Variants in PRKG1 observed in about 807,000 individuals in gnomAD.
PRKG1 encodes protein kinase cGMP-dependent 1.
A neutral mutation model predicts 88.1 loss-of-function variants in PRKG1; 35 were observed. The ratio of observed to expected loss-of-function variants is 0.40; its 90% CI spans 0.30 to 0.53. The LOEUF is 0.53. PRKG1 is among the 20% of genes least tolerant of loss of function. The pLI is 0.59. For synonymous variants in PRKG1, 303 were observed against 292.5 expected, an observed-to-expected ratio of 1.04 and a Z score of -0.37; for missense variants, 540 against 839.8, an observed-to-expected ratio of 0.64 and a Z score of 4.41.
intron 1 of PRKG1, among the ~76,000 whole-genome samples, chr10:51,004,542 A>G (rs1043887129): frequency 1.3e-4 from 20 of 152,170 alleles, no homozygotes; most frequent in African/African-American, 4.1e-4. Flanking sequence ...AATTTTCTAC[A>G]TTAAAGACAG....
At chr10:51,397,563 C>A (rs1379440970) in intron 2 of PRKG1, among the ~76,000 whole-genome samples, 2 of 152,052 alleles carry the variant, frequency 1.3e-5, no homozygotes, top group Admixed American at 6.5e-5. Flanking sequence ...ATGTTCATTT[C>A]TTTTATACTC....
At chr10:51,707,583 A>G (rs1461294686) in intron 3 of PRKG1, among the ~76,000 whole-genome samples, 1 of 147,838 alleles carries the variant, frequency 6.8e-6, no homozygotes, top group Non-Finnish European at 1.5e-5. Context: ...GGAACAACGC[A>G]TGAATCTTTT....
chr10:51,276,931 A>G (rs1278027220), intron 2 of PRKG1, among the ~76,000 whole-genome samples: 3 of 152,062 alleles, frequency 2.0e-5, no homozygotes, highest in Non-Finnish European at 4.4e-5. Context: ...CTCTGATGGT[A>G]GTTTCTTTTG....
intron 2 of PRKG1, among the ~76,000 whole-genome samples, chr10:51,298,904 AT>A (rs1386981008): frequency 7.2e-5 from 11 of 152,194 alleles, no homozygotes; most frequent in Non-Finnish European, 1.6e-4. Flanking sequence ...TGTGATCTGT[AT>A]GCAAAGATCA....
intron 2 of PRKG1, among the ~76,000 whole-genome samples, chr10:51,454,718 G>C (rs1839533568): frequency 6.6e-6 from 1 of 152,100 alleles, no homozygotes. Context: ...CTAACCATAA[G>C]ATCTCATTAA....
At chr10:51,744,713 G>T (rs933926841) in intron 3 of PRKG1, among the ~76,000 whole-genome samples, 2 of 152,158 alleles carry the variant, frequency 1.3e-5, no homozygotes, top group African/African-American at 4.8e-5. Context: ...GGAAGCTGTT[G>T]CATTAACCAT....
chr10:51,883,607 C>G (rs922887617), intron 4 of PRKG1, among the ~76,000 whole-genome samples: 1 of 152,160 alleles, frequency 6.6e-6, no homozygotes, highest in Admixed American at 6.5e-5. Flanking sequence ...ATTAAGCAAC[C>G]AATAGTTGTT....
intron 2 of PRKG1, chr10:51,299,531 G>C: frequency 2.1e-6 from 1 of 468,954 alleles, no homozygotes; most frequent in Non-Finnish European, 4.4e-6. Context: ...TTTAAAGTAG[G>C]AACTTTGGTA....
chr10:51,896,325 G>T (rs1229064803), intron 4 of PRKG1, among the ~76,000 whole-genome samples: 1 of 152,040 alleles, frequency 6.6e-6, no homozygotes, highest in Non-Finnish European at 1.5e-5. Flanking sequence ...TTTATTATGT[G>T]CCAGGTACCT....
intron 3 of PRKG1, among the ~76,000 whole-genome samples, chr10:51,767,632 T>C (rs1838201761): frequency 6.6e-6 from 1 of 152,200 alleles, no homozygotes; most frequent in Non-Finnish European, 1.5e-5. Context: ...TTTGAATTTT[T>C]TTTTTTAACC....
intron 4 of PRKG1, among the ~76,000 whole-genome samples, chr10:51,902,605 G>A (rs1389312022): frequency 6.6e-6 from 1 of 152,130 alleles, no homozygotes; most frequent in African/African-American, 2.4e-5. Context: ...TCAAAAGAAT[G>A]ACCTAGTGGA....
chr10:52,204,625 C>T (rs889568691), intron 9 of PRKG1, among the ~76,000 whole-genome samples: 4 of 152,180 alleles, frequency 2.6e-5, no homozygotes, highest in African/African-American at 9.7e-5. Context: ...CTTCCCCAAT[C>T]AATACTCTTG....
chr10:51,985,650 A>G (rs1416118388), intron 5 of PRKG1, among the ~76,000 whole-genome samples: 1 of 152,184 alleles, frequency 6.6e-6, no homozygotes, highest in African/African-American at 2.4e-5. Context: ...TATTTTTTAT[A>G]GCCACTTGTT....
chr10:51,031,997 G>C (rs1356011425), intron 1 of PRKG1, among the ~76,000 whole-genome samples: 1 of 152,130 alleles, frequency 6.6e-6, no homozygotes, highest in Non-Finnish European at 1.5e-5. Context: ...TCTCAAAGCT[G>C]GTTGGATGCT....
intron 3 of PRKG1, among the ~76,000 whole-genome samples, chr10:51,472,115 G>A (rs2132824263): frequency 6.6e-6 from 1 of 151,924 alleles, no homozygotes; most frequent in East Asian, 1.9e-4. Context: ...ATCTTTTTAA[G>A]TTTACATACT....
chr10:52,211,261 G>T (rs948909735), intron 9 of PRKG1, among the ~76,000 whole-genome samples: 14 of 152,166 alleles, frequency 9.2e-5, no homozygotes, highest in Non-Finnish European at 5.9e-5. Context: ...CTGATGCACT[G>T]CAAGGTCTTT....
intron 9 of PRKG1, among the ~76,000 whole-genome samples, chr10:52,180,725 C>T (rs1035985437): frequency 2.6e-4 from 40 of 152,290 alleles, no homozygotes; most frequent in Middle Eastern, 3.4e-3. Context: ...TGCCAGACAT[C>T]GGCTTGTCAG....
intron 4 of PRKG1, among the ~76,000 whole-genome samples, chr10:51,845,254 T>C (rs1840369424): frequency 6.6e-6 from 1 of 152,176 alleles, no homozygotes; most frequent in Non-Finnish European, 1.5e-5. Context: ...CTCTTCTTGC[T>C]GTCTTTCCAG....
At chr10:51,235,036 C>G (rs988576178) in intron 2 of PRKG1, among the ~76,000 whole-genome samples, 1 of 152,122 alleles carries the variant, frequency 6.6e-6, no homozygotes, top group Non-Finnish European at 1.5e-5. Context: ...CATGGACATT[C>G]AAGCCAGTAC....
Sources: allele counts gnomAD v4.1 joint callset (sites outside exome capture counted in the v4.1 genomes callset), GRCh38; gene constraint gnomAD v4.1.1; transcripts MANE v1.5; gene names NCBI Gene and HGNC (gene_info 2026-07-23, HGNC 2026-07-21).